The following CAAP1 variants were observed in gnomAD, a reference collection of about 807,000 sequenced individuals.
The protein encoded by CAAP1 is conserved anti-apoptotic protein.
Under a neutral mutation model 34.0 loss-of-function variants are expected in CAAP1, and 20 were observed. That is an observed-to-expected ratio of 0.59 (90% confidence interval 0.41 to 0.86). The LOEUF is 0.86. CAAP1 is among the 40% of genes least tolerant of loss of function. The pLI is 0.00. For synonymous variants in CAAP1, 213 were observed against 166.7 expected (o/e 1.28, Z -2.14); for missense variants, 538 against 450.5 (o/e 1.19, Z -1.76).
intron 4 of CAAP1, among the ~76,000 whole-genome samples, chr9:26,866,923 C>A (rs1331343156): frequency 1.3e-5 from 2 of 152,162 alleles, no homozygotes; most frequent in Non-Finnish European, 2.9e-5. Flanking sequence ...GCCTGGGCCA[C>A]AGATCGGTAC....
chr9:26,858,254 C>A (rs1309987160), intron 5 of CAAP1, among the ~76,000 whole-genome samples: 1 of 152,126 alleles, frequency 6.6e-6, no homozygotes, highest in Non-Finnish European at 1.5e-5. Flanking sequence ...AGGTTATGCA[C>A]ATTACAAATA....
intron 5 of CAAP1, among the ~76,000 whole-genome samples, chr9:26,854,777 C>A (rs570587355): frequency 6.6e-6 from 1 of 152,184 alleles, no homozygotes; most frequent in African/African-American, 2.4e-5. Context: ...ATAGAAATGG[C>A]AAATAAGTGT....
intron 5 of CAAP1, among the ~76,000 whole-genome samples, chr9:26,853,799 T>C (rs1003904784): frequency 1.3e-5 from 2 of 152,160 alleles, no homozygotes; most frequent in African/African-American, 4.8e-5. Context: ...TAACAGGAGA[T>C]AAGGGGAGTA....
chr9:26,847,015 C>T (rs1822627194), intron 5 of CAAP1, among the ~76,000 whole-genome samples: 1 of 151,438 alleles, frequency 6.6e-6, no homozygotes, highest in Non-Finnish European at 1.5e-5. Flanking sequence ...ACTCCCCTTC[C>T]CAGAAGTAAT....
chr9:26,886,106 T>G lies in CAAP1; in HGVS notation c.587A>C (p.Glu196Ala), dbSNP rs1823732566. The G allele has an allele frequency of 2.0e-6, 3 of 1,526,452 alleles. No individual in the cohort carries two copies. The East Asian group carries it at 7.0e-5, about 35-fold the overall frequency. The allele number at this position is 1,526,452 out of a possible 1,614,324, so 94.6% of individuals were successfully genotyped here. The change falls in exon 3 of 6, where the codon GAG (glutamate) becomes GCG (alanine). Residue 196 changes from glutamate (E) to alanine (A), a missense_variant and splice_region_variant. By Grantham distance (107) the Glu-to-Ala change is moderately radical. Around this residue, in one of 3 missense-constraint regions of CAAP1, gnomAD observed 514 missense variants for 408.4 expected, o/e 1.26. Transcript: ENST00000333916. ...LSEKKILKIL[E>A]GDNGMDSDME... ...AATGTAAAAATATGTATTCTTACCC[T>G]CAAGAATCTTCAAAATTTTTTTTTC... is the stretch of plus-strand genomic sequence containing the variant.
chr9:26,892,280 A>G, intron 1 of CAAP1, 133 bp downstream of exon 1: 1 of 1,532,236 alleles, frequency 6.5e-7, no homozygotes, highest in Non-Finnish European at 8.7e-7. Flanking sequence ...TAGGAACATG[A>G]ACCTCAAGGA....
At chr9:26,885,635 G>A (rs551662420) in intron 3 of CAAP1, among the ~76,000 whole-genome samples, 2 of 152,152 alleles carry the variant, frequency 1.3e-5, no homozygotes, top group East Asian at 1.9e-4. Flanking sequence ...AGAGGTGTGA[G>A]TATCACCAAG....
intron 4 of CAAP1, among the ~76,000 whole-genome samples, chr9:26,873,722 C>T (rs974298462): frequency 2.0e-5 from 3 of 152,098 alleles, no homozygotes; most frequent in African/African-American, 4.8e-5. Context: ...AAAATTGTTG[C>T]GTTGTTAAGC....
chr9:26,868,332 T>C (rs1823188588), intron 4 of CAAP1, among the ~76,000 whole-genome samples: 1 of 152,146 alleles, frequency 6.6e-6, no homozygotes, highest in Non-Finnish European at 1.5e-5. Context: ...AAGTCAGAGT[T>C]AGAAGAAATG....
At chr9:26,889,244 C>T (rs959067315) in intron 1 of CAAP1, among the ~76,000 whole-genome samples, 1 of 151,908 alleles carries the variant, frequency 6.6e-6, no homozygotes, top group African/African-American at 2.4e-5. Context: ...TGGTGAAACC[C>T]CGTGTCTAAT....
intron 4 of CAAP1, among the ~76,000 whole-genome samples, chr9:26,865,417 G>C (rs187619124): frequency 6.6e-6 from 1 of 152,096 alleles, no homozygotes; most frequent in Admixed American, 6.5e-5. Context: ...CAGCTACTCG[G>C]GAGAATTGAG....
intron 5 of CAAP1, among the ~76,000 whole-genome samples, chr9:26,854,828 T>A (rs1034204585): frequency 6.6e-6 from 1 of 152,182 alleles, no homozygotes; most frequent in African/African-American, 2.4e-5. Flanking sequence ...GGGAATTGCA[T>A]AAGAAACAAG....
intron 3 of CAAP1, among the ~76,000 whole-genome samples, chr9:26,885,678 T>G (rs1280341068): frequency 1.3e-5 from 2 of 152,094 alleles, no homozygotes; most frequent in Non-Finnish European, 2.9e-5. Flanking sequence ...AAACAAATAT[T>G]GGTAAATTGC....
At chr9:26,887,807 A>G (rs1168355293) in intron 1 of CAAP1, among the ~76,000 whole-genome samples, 1 of 152,202 alleles carries the variant, frequency 6.6e-6, no homozygotes, top group African/African-American at 2.4e-5. Flanking sequence ...CTTTTGAAGA[A>G]TTAGGATTTT....
intron 5 of CAAP1, among the ~76,000 whole-genome samples, chr9:26,855,050 C>A (rs1183586233): frequency 6.6e-6 from 1 of 152,202 alleles, no homozygotes; most frequent in Non-Finnish European, 1.5e-5. Context: ...AAAACCTGCA[C>A]ACTATTTTAT....
intron 1 of CAAP1, among the ~76,000 whole-genome samples, chr9:26,888,196 A>G (rs538890240): frequency 1.3e-5 from 2 of 152,340 alleles, no homozygotes; most frequent in Admixed American, 6.5e-5. Context: ...AATGGATTTT[A>G]TAAAATGTAT....
intron 5 of CAAP1, among the ~76,000 whole-genome samples, chr9:26,844,547 C>A (rs1285580812): frequency 6.6e-6 from 1 of 151,840 alleles, no homozygotes; most frequent in African/African-American, 2.4e-5. Context: ...GGGGTTGTTG[C>A]GAGATAATGA....
At position 26,869,959 on chromosome 9, in the gene CAAP1, G is replaced by T. The variant is rs533008134; in HGVS notation, c.666-8820C>A. The T allele has an allele frequency of 1.2e-5, 12 of 984,342 alleles. No homozygotes were observed. The African/African-American group carries it at 1.9e-4, about 16-fold the overall frequency. 61.0% of individuals were successfully genotyped at this position (984,342 alleles called of 1,614,324 possible). On this transcript the variant is annotated intron_variant, in intron 4 of 5. Coordinates refer to ENST00000333916, the MANE Select transcript of CAAP1 (RefSeq NM_024828.4). Reference sequence around the variant, plus strand: ...CATCTAACCCAGTGCTTGAGCAGCAGGATGAGGCAGTAAATTGACTGATGG... The same window carrying T: ...CATCTAACCCAGTGCTTGAGCAGCATGATGAGGCAGTAAATTGACTGATGG...
intron 4 of CAAP1, among the ~76,000 whole-genome samples, chr9:26,873,948 C>T (rs1396068798): frequency 6.6e-6 from 1 of 152,054 alleles, no homozygotes; most frequent in Non-Finnish European, 1.5e-5. Context: ...TGGCTCACGC[C>T]TGTAATCCCA....
Sources: allele counts gnomAD v4.1 joint callset (sites outside exome capture counted in the v4.1 genomes callset), GRCh38; gene constraint gnomAD v4.1.1; regional missense constraint gnomAD v4.1.1; transcripts MANE v1.5; gene names NCBI Gene and HGNC (gene_info 2026-07-23, HGNC 2026-07-21).